UGT1A10: variants seen among roughly 807,000 people sequenced by gnomAD.
The protein encoded by UGT1A10 is UDP glucuronosyltransferase family 1 member A10, also known as UDP-glucuronosyltransferase 1A10.
A neutral mutation model predicts 45.8 loss-of-function variants in UGT1A10; 49 were observed. That is an observed-to-expected ratio of 1.07 (90% CI 0.85 to 1.36). UGT1A10 has a LOEUF of 1.36. UGT1A10 is among the 40% of genes most tolerant of loss of function. The probability of loss-of-function intolerance (pLI) is 0.00; values close to 1 mark genes in which losing one functional copy is unlikely to be tolerated. For missense variants in UGT1A10, 745 were observed against 668.6 expected (o/e 1.11, Z -1.26); for synonymous variants, 284 against 249.7 (o/e 1.14, Z -1.29).
At chr2:233,667,379 A>T (rs2074100590) in intron 1 of UGT1A10, among the ~76,000 whole-genome samples, 1 of 152,220 alleles carries the variant, frequency 6.6e-6, no homozygotes, top group Non-Finnish European at 1.5e-5. Context: ...ACAAAAATTA[A>T]TTCAAGATGG....
rs994477735 is a variant in UGT1A10, at chr2:233,769,472, T to C, written c.1295+1033T>C. Reference sequence around the variant, plus strand: ...ACGTGTGCATTCATATGCGTGTGTGTGTGTGTGCGTGTGTTTATGAGAGTG... The same window carrying C: ...ACGTGTGCATTCATATGCGTGTGTGCGTGTGTGCGTGTGTTTATGAGAGTG... On this transcript the variant is annotated intron_variant, in intron 4 of 4. Transcript: ENST00000344644. The surrounding 1 kb of genome is among the most constrained non-coding windows in gnomAD (Gnocchi z 4.4). 4.2e-5 allele frequency: 68 copies of C among 1,609,292 alleles called. No homozygotes were observed. In the African/African-American group the frequency reaches 8.3e-4, roughly 20 times the overall value.
At chr2:233,742,895 GA>G in intron 1 of UGT1A10, 1 of 165,112 alleles carries the variant, frequency 6.1e-6, no homozygotes, top group Non-Finnish European at 1.3e-5. Flanking sequence ...TTTCCCAACG[GA>G]AAAAGGTAAT....
intron 1 of UGT1A10, among the ~76,000 whole-genome samples, chr2:233,644,609 G>T (rs1236358994): frequency 1.3e-5 from 2 of 152,012 alleles, no homozygotes; most frequent in Admixed American, 6.6e-5. Flanking sequence ...CTCTCTCAGT[G>T]GGTGGGTGTC....
At chr2:233,738,769 T>C (rs1352838892) in intron 1 of UGT1A10, among the ~76,000 whole-genome samples, 4 of 152,188 alleles carry the variant, frequency 2.6e-5, no homozygotes, top group Non-Finnish European at 5.9e-5. Context: ...ACCCATTTTA[T>C]GGGGAGAAAT....
chr2:233,718,368 T>C (rs1366364618), intron 1 of UGT1A10, among the ~76,000 whole-genome samples: 1 of 152,222 alleles, frequency 6.6e-6, no homozygotes, highest in African/African-American at 2.4e-5. Context: ...TATTCACATA[T>C]GAGAAGAAAG....
chr2:233,682,062 A>T (rs754287322), intron 1 of UGT1A10: 1 of 1,614,126 alleles, frequency 6.2e-7, no homozygotes, highest in Admixed American at 1.7e-5. Context: ...TTCACCATGC[A>T]GTCGGTGGTG....
At chr2:233,760,488 C>T (rs2125984883) in intron 1 of UGT1A10, 1 of 1,614,254 alleles carries the variant, frequency 6.2e-7, no homozygotes, top group Non-Finnish European at 8.5e-7. Context: ...CCTCGTTGTA[C>T]ATCAGAGACG....
chr2:233,649,940 C>T (rs913704277), intron 1 of UGT1A10, among the ~76,000 whole-genome samples: 3 of 152,086 alleles, frequency 2.0e-5, no homozygotes, highest in African/African-American at 7.2e-5. Context: ...TCTTCTGTTA[C>T]AATCTTTGAA....
At chr2:233,717,512 A>G (rs2076582211) in intron 1 of UGT1A10, among the ~76,000 whole-genome samples, 1 of 152,150 alleles carries the variant, frequency 6.6e-6, no homozygotes, top group Non-Finnish European at 1.5e-5. Flanking sequence ...TTCTAATGGG[A>G]GTAACTTCCT....
intron 1 of UGT1A10, among the ~76,000 whole-genome samples, chr2:233,670,278 T>C (rs1275010229): frequency 6.6e-6 from 1 of 152,170 alleles, no homozygotes; most frequent in Admixed American, 6.5e-5. Context: ...GTTTTGCTGT[T>C]TCAGGGGTGG....
chr2:233,743,705 G>C (rs756391897), intron 1 of UGT1A10: 3 of 1,367,306 alleles, frequency 2.2e-6, no homozygotes, highest in South Asian at 1.1e-5. Flanking sequence ...CTCCGCCCCC[G>C]CCTCGCCATA....
chr2:233,733,382 G>A (rs1164801978), intron 1 of UGT1A10, among the ~76,000 whole-genome samples: 3 of 152,128 alleles, frequency 2.0e-5, no homozygotes, highest in African/African-American at 7.2e-5. Context: ...TCCTTGTTTT[G>A]TGCCAGTTTT....
chr2:233,739,170 A>G (rs1447136581), intron 1 of UGT1A10: 1 of 152,280 alleles, frequency 6.6e-6, no homozygotes, highest in Non-Finnish European at 1.5e-5. Context: ...TAGAGGATGT[A>G]AGGAAATGCT....
At chr2:233,750,627 TC>T (rs1482081240) in intron 1 of UGT1A10, 1 of 151,448 alleles carries the variant, frequency 6.6e-6, no homozygotes, top group Non-Finnish European at 1.5e-5. Flanking sequence ...GGGTCCATGC[TC>T]CCCCTGCTGT....
intron 1 of UGT1A10, chr2:233,692,877 T>C: frequency 6.7e-7 from 1 of 1,497,084 alleles, no homozygotes; most frequent in Non-Finnish European, 8.9e-7. Context: ...AAGGGTAAAA[T>C]TCAGAGCAAG....
At chr2:233,683,620 T>G (rs1193714646) in intron 1 of UGT1A10, among the ~76,000 whole-genome samples, 1 of 152,194 alleles carries the variant, frequency 6.6e-6, no homozygotes, top group Non-Finnish European at 1.5e-5. Flanking sequence ...GATTCTGTTT[T>G]ATTTCCATAA....
intron 1 of UGT1A10, among the ~76,000 whole-genome samples, chr2:233,714,930 G>A (rs1185708526): frequency 6.6e-6 from 1 of 152,040 alleles, no homozygotes; most frequent in Non-Finnish European, 1.5e-5. Flanking sequence ...AGTCTGGAGT[G>A]CAGTGGTGGG....
At chr2:233,715,755 G>T (rs1575510895) in intron 1 of UGT1A10, among the ~76,000 whole-genome samples, 1 of 152,198 alleles carries the variant, frequency 6.6e-6, no homozygotes, top group Middle Eastern at 3.2e-3. Flanking sequence ...CTGAGTGACA[G>T]AGCGAGGACC....
At chr2:233,739,434 A>C (rs369218024) in intron 1 of UGT1A10, among the ~76,000 whole-genome samples, 2 of 152,136 alleles carry the variant, frequency 1.3e-5, no homozygotes, top group African/African-American at 2.4e-5. Flanking sequence ...CGAGGGCTTT[A>C]CCCTGCAAAG....
Sources: gnomAD v4.1 joint callset for allele counts (sites outside exome capture counted in the v4.1 genomes callset) on GRCh38, gnomAD v4.1.1 for gene constraint, Gnocchi (gnomAD v3.1) non-coding constraint, MANE v1.5 for transcripts, NCBI Gene and HGNC (gene_info 2026-07-23, HGNC 2026-07-21) for gene names.